SYMPK: variants seen among roughly 807,000 people sequenced by gnomAD.
SYMPK encodes the protein symplekin.
SYMPK carries 49 observed loss-of-function variants against 136.4 expected under a neutral mutation model. That is an observed-to-expected ratio of 0.36 (90% CI 0.29 to 0.46). SYMPK has a LOEUF of 0.46. Ranked by LOEUF, SYMPK falls within the 20% of genes least tolerant of loss-of-function variation. The pLI is 1.00. For synonymous variants in SYMPK, 766 were observed against 713.0 expected, an observed-to-expected ratio of 1.07 and a Z score of -1.19; for missense variants, 1,365 against 1,690.0, an observed-to-expected ratio of 0.81 and a Z score of 3.37.
chr19:45,815,478 A>C lies in SYMPK; in HGVS notation c.*82T>G. The C allele has an allele frequency of 7.4e-6, 9 of 1,216,948 alleles. No homozygotes were observed. Among genetic ancestry groups the C allele is most frequent in the Non-Finnish European group, 1.0e-5 (9 of 899,416 alleles). The allele number at this position is 1,216,948 out of a possible 1,614,324, so 75.4% of individuals were successfully genotyped here. A position where few individuals can be genotyped will look rare whatever the true frequency, so the allele number is the denominator to read the frequency against. ...AGTTCACATCTTTTATTTCTTTTTA[A>C]GGCAAAGCACCCGCAGGTCAAGCCC... On this transcript the variant is annotated 3_prime_UTR_variant, in exon 27 of 27. Transcript: ENST00000245934.
At chr19:45,856,111 T>C (rs1971815936) in intron 1 of SYMPK, among the ~76,000 whole-genome samples, 7 of 152,220 alleles carry the variant, frequency 4.6e-5, no homozygotes, top group Admixed American at 3.9e-4. Context: ...CCCAACACTT[T>C]GGGAGGCCGA....
chr19:45,831,740 T>C (rs2146316259), intron 11 of SYMPK, 152 bp from the exon 12 acceptor site: 1 of 502,634 alleles, frequency 2.0e-6, no homozygotes, highest in East Asian at 3.4e-5. Context: ...GTACTCTTTT[T>C]ATCCCCACTT....
At chr19:45,825,450 TG>T in intron 17 of SYMPK, 119 bp from the exon 18 acceptor site, 2 of 1,281,788 alleles carry the variant, frequency 1.6e-6, no homozygotes, top group Non-Finnish European at 2.1e-6. Flanking sequence ...GAGCCGGGGC[TG>T]GGGAGCTAAT....
In SYMPK at chr19:45,831,451, G is replaced by C; in HGVS notation, c.1531C>G (p.Pro511Ala). The C allele has an allele frequency of 6.2e-7, 1 of 1,608,548 alleles. No homozygotes were observed. Among genetic ancestry groups the C allele is most frequent in the Non-Finnish European group, 8.5e-7 (1 of 1,177,694 alleles). ...GCCTGCGGTGCCTCTTCCTCCAGGG[G>C]GGACATGGAGCTCAGGGAACCCACC... ...SVVGSLSSMS[P>A]LEEEAPQAKR... The change falls in exon 12 of 27, where the codon CCC becomes GCC. Residue 511 changes from proline (P) to alanine (A), a missense_variant. By Grantham distance (27) the Pro-to-Ala change is conservative. This residue lies in a region of SYMPK where 303 missense variants were observed against 326.6 expected (regional missense o/e 0.93). Coordinates refer to ENST00000245934, the MANE Select transcript of SYMPK (RefSeq NM_004819.3).
In SYMPK at chr19:45,818,038, G is replaced by A; in HGVS notation, c.3002C>T (p.Thr1001Ile). Residue 1001 changes from threonine (T) to isoleucine (I), a missense_variant, in exon 23 of 27, where the codon ACC becomes ATC. Physicochemically the swap from Thr to Ile is moderately conservative, Grantham distance 89 (BLOSUM62 -1). Transcript: ENST00000245934. ...GTACATGGTCAGGGACTGGATGACGGTCCTCATGAGCAGCATGGGCAGGGG... is the reference window on the plus strand; with the variant it reads ...GTACATGGTCAGGGACTGGATGACGATCCTCATGAGCAGCATGGGCAGGGG... The part of the protein sequence containing the change: ...QSPLPMLLMR[T>I]VIQSLTMYPR... 1 of 1,573,600 alleles carries A rather than the reference G, an allele frequency of 6.4e-7. No homozygotes were observed. The highest frequency in any genetic ancestry group is 8.6e-7 in the Non-Finnish European group (1 of 1,159,508).
At position 45,825,181 on chromosome 19, in the gene SYMPK, A is replaced by G. The variant is rs1190252838; in HGVS notation, c.2480T>C (p.Ile827Thr). 1.9e-6 allele frequency: 3 copies of G among 1,613,438 alleles called. No homozygotes were observed. The highest frequency in any genetic ancestry group is 1.7e-5 in the Admixed American group (1 of 59,944). Residue 827 changes from isoleucine (I) to threonine (T), a missense_variant, in exon 18 of 27, where the codon ATT becomes ACT. Coordinates refer to ENST00000245934, the MANE Select transcript of SYMPK (RefSeq NM_004819.3). ...GCTCAGGGGCCTCACCGGCTGCTCA[A>G]TGACCCTCAGCACCGTCCGCTTGAT... Reference protein sequence around the residue: ...ADIKRTVLRVIEQPIRGMGMN... With the variant: ...ADIKRTVLRVTEQPIRGMGMN...
In SYMPK at chr19:45,862,761, G is replaced by C. The variant is rs571301951; in HGVS notation, c.-13+297C>G. On this transcript the variant is annotated intron_variant, in intron 1 of 26. Coordinates refer to ENST00000245934, the MANE Select transcript of SYMPK (RefSeq NM_004819.3). ...TGCAAAATCCCCGAAGCGGGAAAGCGCATGGCAAGTTTAAGGAACCGAAAG... is the reference window on the plus strand; with the variant it reads ...TGCAAAATCCCCGAAGCGGGAAAGCCCATGGCAAGTTTAAGGAACCGAAAG... 2.6e-5 allele frequency among the ~76,000 whole-genome samples: 4 copies of C among 152,348 alleles called. No individual in the cohort carries two copies. The East Asian group carries it at 7.7e-4, about 29-fold the overall frequency.
Position 45,815,592 on chromosome 19 carries a change from C to T in SYMPK, c.3793G>A (p.Ala1265Thr). ...TTCCCCTTGGCCTCGGGTTCCCTGGCGTCCTCGGCAGCCGGGCTGGGAGTC... is the reference window on the plus strand; with the variant it reads ...TTCCCCTTGGCCTCGGGTTCCCTGGTGTCCTCGGCAGCCGGGCTGGGAGTC... ...MKTPSPAAED[A>T]REPEAKGNS The change falls in exon 27 of 27, where the codon GCC becomes ACC. Residue 1265 changes from alanine (A) to threonine (T), a missense_variant. Physicochemically the swap from Ala to Thr is moderately conservative, Grantham distance 58. Around this residue, in one of 11 missense-constraint regions of SYMPK, gnomAD observed 341 missense variants for 270.5 expected, o/e 1.26. Transcript: ENST00000245934. 1 of 1,515,770 alleles carries T rather than the reference C, an allele frequency of 6.6e-7. No individual in the cohort carries two copies. Among genetic ancestry groups the T allele is most frequent in the African/African-American group, 1.4e-5 (1 of 69,844 alleles). The allele number at this position is 1,515,770 out of a possible 1,614,324, so 93.9% of individuals were successfully genotyped here.
intron 20 of SYMPK, 27 bp from the exon 21 acceptor site, chr19:45,822,873 G>T: frequency 1.9e-6 from 3 of 1,564,958 alleles, no homozygotes; most frequent in Non-Finnish European, 2.6e-6. Flanking sequence ...GTGGGGGTGG[G>T]AGTTGAGTCA....
intron 22 of SYMPK, 101 bp from the exon 23 acceptor site, chr19:45,818,247 C>T: frequency 7.9e-7 from 1 of 1,266,984 alleles, no homozygotes; most frequent in Non-Finnish European, 1.1e-6. Flanking sequence ...GGGAAGACTT[C>T]TAAAGCCCTG....
chr19:45,835,896 A>G (rs773602252), intron 10 of SYMPK, among the ~76,000 whole-genome samples: 2 of 150,346 alleles, frequency 1.3e-5, no homozygotes, highest in African/African-American at 2.5e-5. Flanking sequence ...TGGGTGACAG[A>G]GCAAGACTCC....
chr19:45,819,874 C>G (rs995627002), intron 22 of SYMPK: 13 of 152,046 alleles, frequency 8.6e-5, no homozygotes, highest in African/African-American at 3.2e-4. Flanking sequence ...AGGAAGACTG[C>G]TGGTGCCTGA....
intron 2 of SYMPK, 43 bp downstream of exon 2, chr19:45,854,348 G>A: frequency 1.2e-6 from 2 of 1,608,432 alleles, no homozygotes; most frequent in African/African-American, 1.3e-5. Flanking sequence ...GCCAAAGCCA[G>A]GGGCTATGCT....
rs1309963823 is a variant in SYMPK at position 45,825,280 on chromosome 19, T to C, written c.2381A>G (p.Tyr794Cys). Residue 794 changes from tyrosine to cysteine, a missense_variant, in exon 18 of 27, where the codon TAC (tyrosine) becomes TGC (cysteine). By Grantham distance (194) the Tyr-to-Cys change is radical. Transcript: ENST00000245934. ...EETVKQCLYL[Y>C]LALLPQNHKL... Reference sequence around the variant, plus strand: ...GTGGTTCTGAGGCAGGAGGGCCAGGTAGAGGTACAGACACTGCTTCACTGT... The same window carrying C: ...GTGGTTCTGAGGCAGGAGGGCCAGGCAGAGGTACAGACACTGCTTCACTGT... 1 of 1,613,998 alleles carries C rather than the reference T, an allele frequency of 6.2e-7. No homozygotes were observed. The highest frequency in any genetic ancestry group is 8.5e-7 in the Non-Finnish European group (1 of 1,180,010).
chr19:45,839,521 G>A (rs1439173776), intron 9 of SYMPK, among the ~76,000 whole-genome samples: 2 of 152,166 alleles, frequency 1.3e-5, no homozygotes, highest in Non-Finnish European at 2.9e-5. Context: ...TAGAATAATA[G>A]ACTCAGGCAA....
At chr19:45,819,005 G>GGT (rs1555792920) in intron 22 of SYMPK, 1 of 86,948 alleles carries the variant, frequency 1.2e-5, no homozygotes, top group Non-Finnish European at 3.1e-5. Context: ...GTCTCTAAGG[G>GGT]GGGGGGCGTA....
chr19:45,822,943 G>A, intron 20 of SYMPK, 97 bp from the exon 21 acceptor site: 4 of 969,656 alleles, frequency 4.1e-6, no homozygotes, highest in Non-Finnish European at 6.4e-6. Context: ...GGGGAGCTGA[G>A]GGCAAGCTCT....
At chr19:45,837,603 C>T (rs1295216858) in intron 10 of SYMPK, among the ~76,000 whole-genome samples, 17 of 116,740 alleles carry the variant, frequency 1.5e-4, no homozygotes, top group Non-Finnish European at 2.4e-4. Flanking sequence ...GGTAACAAAG[C>T]GAGACTCTGC....
chr19:45,844,271 G>T, intron 7 of SYMPK, 71 bp from the exon 8 acceptor site: 1 of 1,314,806 alleles, frequency 7.6e-7, no homozygotes, highest in Non-Finnish European at 1.0e-6. Context: ...CAGCTTTTGG[G>T]ACTAAAAGGA....
Sources: gnomAD v4.1 joint callset for allele counts (sites outside exome capture counted in the v4.1 genomes callset) on GRCh38, gnomAD v4.1.1 for gene constraint, gnomAD v4.1.1 regional missense constraint, MANE v1.5 for transcripts, NCBI Gene and HGNC (gene_info 2026-07-23, HGNC 2026-07-21) for gene names.